Variants in GUCY1A2 observed in about 807,000 individuals in gnomAD.
GUCY1A2 encodes the protein guanylate cyclase 1 soluble subunit alpha 2.
A neutral mutation model predicts 63.5 loss-of-function variants in GUCY1A2; 27 were observed. That is an observed-to-expected ratio of 0.43 (90% CI 0.31 to 0.59). GUCY1A2 has a LOEUF of 0.59. GUCY1A2 is among the 20% of genes least tolerant of loss of function. GUCY1A2 has a pLI of 0.11. For missense variants in GUCY1A2, 768 were observed against 913.3 expected, an observed-to-expected ratio of 0.84 and a Z score of 2.05; for synonymous variants, 364 against 343.5, an observed-to-expected ratio of 1.06 and a Z score of -0.66.
chr11:106,676,542 A>G lies in GUCY1A2; in HGVS notation c.*11007T>C, dbSNP rs612077. 2 of 186,762 alleles carry G rather than the reference A, an allele frequency of 1.1e-5. No individual in the cohort carries two copies. The highest frequency in any genetic ancestry group is 1.7e-4 in the East Asian group (2 of 11,558). 11.6% of individuals were successfully genotyped at this position (186,762 alleles called of 1,614,324 possible). A position where few individuals can be genotyped will look rare whatever the true frequency, so the allele number is the denominator to read the frequency against. ...ATATTGCTTTTTCAATAGAGTAGAC[A>G]TAAAATTGATGACAAATGTTTCCAA... On this transcript the variant is annotated 3_prime_UTR_variant, in exon 8 of 8. Coordinates refer to ENST00000526355, the MANE Select transcript of GUCY1A2 (RefSeq NM_000855.3).
At chr11:106,746,605 G>A in intron 6 of GUCY1A2, 1 of 1,596,752 alleles carries the variant, frequency 6.3e-7, no homozygotes, top group Non-Finnish European at 8.5e-7. Context: ...CCAGCTGGAT[G>A]GAAACAGGAA....
chr11:106,864,211 T>C (rs1859556023), intron 4 of GUCY1A2, among the ~76,000 whole-genome samples: 1 of 126,922 alleles, frequency 7.9e-6, no homozygotes, highest in African/African-American at 2.7e-5. Flanking sequence ...ACTTAAAGTA[T>C]AATAATAATA....
chr11:106,690,821 C>G (rs1483486047), intron 7 of GUCY1A2, among the ~76,000 whole-genome samples: 1 of 152,094 alleles, frequency 6.6e-6, no homozygotes, highest in Non-Finnish European at 1.5e-5. Context: ...GAACTGGAAC[C>G]TAGACCTGTA....
intron 4 of GUCY1A2, among the ~76,000 whole-genome samples, chr11:106,815,539 A>G (rs1247396405): frequency 6.6e-6 from 1 of 151,928 alleles, no homozygotes; most frequent in East Asian, 1.9e-4. Context: ...ATGGCTAAAG[A>G]AAGGTCTTTA....
chr11:106,912,759 T>C (rs571306308), intron 4 of GUCY1A2, among the ~76,000 whole-genome samples: 2 of 152,206 alleles, frequency 1.3e-5, no homozygotes, highest in South Asian at 2.1e-4. Context: ...AAAAGAACAG[T>C]GCTGTATAAA....
chr11:106,869,514 T>A (rs901823534), intron 4 of GUCY1A2, among the ~76,000 whole-genome samples: 1 of 152,156 alleles, frequency 6.6e-6, no homozygotes, highest in African/African-American at 2.4e-5. Flanking sequence ...AAAATGCTCA[T>A]CATCACTGGC....
chr11:106,979,735 C>T (rs957252952), intron 2 of GUCY1A2, among the ~76,000 whole-genome samples: 2 of 152,100 alleles, frequency 1.3e-5, no homozygotes, highest in Non-Finnish European at 2.9e-5. Context: ...ACATTAAAGG[C>T]CAAATCCTCC....
rs58640893 is a variant in GUCY1A2, at chr11:106,930,871, C to T, written c.1206+8589G>A. Among the ~76,000 whole-genome samples, 665 of 152,274 alleles carry T rather than the reference C, an allele frequency of 4.4e-3. 5 individuals carry two copies. Among genetic ancestry groups the T allele is most frequent in the African/African-American group, 0.015 (618 of 41,552 alleles). ...CAGGCGGATCACGAGGTCAAGAGTT[C>T]GAGACCAGCATATGGCCACACAGAA... On this transcript the variant is annotated intron_variant, in intron 4 of 7. Transcript: ENST00000526355.
chr11:106,945,152 G>GAA (rs1387056532), intron 3 of GUCY1A2, among the ~76,000 whole-genome samples: 34 of 133,948 alleles, frequency 2.5e-4, no homozygotes, highest in African/African-American at 7.1e-4. Context: ...TTGGATTCCT[G>GAA]AAAAAAAAAA....
chr11:107,013,651 G>A (rs1385849532), intron 1 of GUCY1A2, among the ~76,000 whole-genome samples: 2 of 151,760 alleles, frequency 1.3e-5, no homozygotes, highest in Admixed American at 6.6e-5. Context: ...GGGTTCAAGC[G>A]ATTCTCGAGC....
chr11:106,984,487 TG>T (rs1337546089), intron 2 of GUCY1A2, among the ~76,000 whole-genome samples: 1 of 152,202 alleles, frequency 6.6e-6, no homozygotes, highest in Non-Finnish European at 1.5e-5. Flanking sequence ...CAATATAGTT[TG>T]GTTATCTATT....
At chr11:106,919,880 C>G (rs1178219582) in intron 4 of GUCY1A2, among the ~76,000 whole-genome samples, 1 of 151,896 alleles carries the variant, frequency 6.6e-6, no homozygotes, top group African/African-American at 2.4e-5. Context: ...GTTTATCTAC[C>G]AAAAGTAAGT....
chr11:106,856,817 A>G (rs1314071971), intron 4 of GUCY1A2, among the ~76,000 whole-genome samples: 1 of 152,150 alleles, frequency 6.6e-6, no homozygotes, highest in Non-Finnish European at 1.5e-5. Flanking sequence ...CTATAGCACC[A>G]AAAGTAGAAG....
intron 7 of GUCY1A2, among the ~76,000 whole-genome samples, chr11:106,690,974 A>G (rs562712519): frequency 5.7e-4 from 87 of 152,326 alleles, no homozygotes; most frequent in Non-Finnish European, 9.4e-4. Flanking sequence ...CACAAATGTC[A>G]ATTTTCTTTA....
At chr11:106,873,147 A>G (rs531197618) in intron 4 of GUCY1A2, among the ~76,000 whole-genome samples, 17 of 152,170 alleles carry the variant, frequency 1.1e-4, no homozygotes, top group African/African-American at 3.6e-4. Context: ...TATGTACCAC[A>G]TTTTCTTTAT....
At chr11:106,797,539 C>T (rs1864788880) in intron 5 of GUCY1A2, among the ~76,000 whole-genome samples, 1 of 151,766 alleles carries the variant, frequency 6.6e-6, no homozygotes, top group Non-Finnish European at 1.5e-5. Flanking sequence ...AAGTAAAGCA[C>T]TCCTCAACAG....
intron 5 of GUCY1A2, among the ~76,000 whole-genome samples, chr11:106,808,752 A>T (rs1461545700): frequency 6.6e-6 from 1 of 152,114 alleles, no homozygotes; most frequent in East Asian, 1.9e-4. Flanking sequence ...TGCCCCAAGT[A>T]TGGAGGAAGG....
chr11:106,713,592 C>T (rs1306466599), intron 6 of GUCY1A2, among the ~76,000 whole-genome samples: 3 of 146,546 alleles, frequency 2.0e-5, no homozygotes, highest in African/African-American at 7.7e-5. Context: ...CTGCAAGCTC[C>T]GTCTCCCGGG....
At chr11:107,006,465 T>A (rs192384679) in intron 1 of GUCY1A2, among the ~76,000 whole-genome samples, 1 of 152,276 alleles carries the variant, frequency 6.6e-6, no homozygotes. Flanking sequence ...CATGTATATA[T>A]ACAAATGGGC....
Sources: allele counts gnomAD v4.1 joint callset (sites outside exome capture counted in the v4.1 genomes callset), GRCh38; gene constraint gnomAD v4.1.1; transcripts MANE v1.5; gene names NCBI Gene and HGNC (gene_info 2026-07-23, HGNC 2026-07-21).